FUT8: variants seen among roughly 807,000 people sequenced by gnomAD.
FUT8 encodes alpha-(1,6)-fucosyltransferase.
Under a neutral mutation model 71.3 loss-of-function variants are expected in FUT8, and 29 were observed. That is an observed-to-expected ratio of 0.41 (90% CI 0.30 to 0.55). FUT8 has a LOEUF of 0.55. Ranked by LOEUF, FUT8 falls within the 20% of genes least tolerant of loss-of-function variation. The probability of loss-of-function intolerance (pLI) is 0.34; values close to 1 mark genes in which losing one functional copy is unlikely to be tolerated. For synonymous variants in FUT8, 254 were observed against 239.3 expected, an observed-to-expected ratio of 1.06 and a Z score of -0.57; for missense variants, 544 against 702.1, an observed-to-expected ratio of 0.77 and a Z score of 2.55.
At chr14:65,387,243 C>A in the FUT8 span, among the ~76,000 whole-genome samples, 1 of 152,156 alleles carries the variant, frequency 6.6e-6, no homozygotes, top group Admixed American at 6.5e-5. Flanking sequence ...TGCATGTAAA[C>A]TTTGATAGGC....
rs1895566568 is a variant in FUT8, at chr14:65,724,213, G to A, written c.1149G>A (p.Met383Ile). Reference protein sequence around the residue: ...EAAFHPIEEYMVHVEEHFQLL... With the variant: ...EAAFHPIEEYIVHVEEHFQLL... ...CCTTCCATCCCATTGAAGAGTACAT[G>A]GTGCATGTTGAAGAACATTTTCAGC... Residue 383 changes from methionine to isoleucine, a missense_variant, in exon 9 of 11, where the codon ATG becomes ATA. Transcript: ENST00000673929. The A allele has an allele frequency of 4.3e-6, 7 of 1,613,504 alleles. No homozygotes were observed. The highest frequency in any genetic ancestry group is 1.3e-5 in the African/African-American group (1 of 74,990).
At chr14:65,482,638 A>G (rs1036138326) in intron 2 of FUT8, among the ~76,000 whole-genome samples, 1 of 152,158 alleles carries the variant, frequency 6.6e-6, no homozygotes, top group Non-Finnish European at 1.5e-5. Flanking sequence ...TAAGTCATGA[A>G]ATCGGGTCAC....
At chr14:65,530,803 C>T in intron 2 of FUT8, among the ~76,000 whole-genome samples, 1 of 150,954 alleles carries the variant, frequency 6.6e-6, no homozygotes, top group East Asian at 2.0e-4. Context: ...TACGTTCTCT[C>T]TCTCGCTCTT....
At position 65,655,475 on chromosome 14, in the gene FUT8, C is replaced by CAA. The variant is rs575608113; in HGVS notation, c.598-13750_598-13749dup. ...TGGGCGACAGAGCAAGACTCCGTCT[C>CAA]AAAAAAAAAAAAAAAAAAAGTACAG... On this transcript the variant is annotated intron_variant, in intron 6 of 10. Coordinates refer to ENST00000673929, the MANE Select transcript of FUT8 (RefSeq NM_001371533.1). 8.2e-3 allele frequency among the ~76,000 whole-genome samples: 405 copies of CAA among 49,634 alleles called. 2 individuals are homozygous for CAA. Among genetic ancestry groups the CAA allele is most frequent in the African/African-American group, 0.025 (381 of 14,968 alleles). The allele number at this position is 49,634 out of a possible 152,430, so 32.6% of individuals were successfully genotyped here. A position where few individuals can be genotyped will look rare whatever the true frequency, so the allele number is the denominator to read the frequency against.
the FUT8 span, among the ~76,000 whole-genome samples, chr14:65,385,106 T>C: frequency 4.6e-5 from 7 of 151,964 alleles, no homozygotes; most frequent in South Asian, 1.2e-3. Context: ...TTTATGTTGG[T>C]CGGGCTGGTC....
chr14:65,717,886 T>G (rs1421482168), intron 7 of FUT8, among the ~76,000 whole-genome samples: 2 of 152,242 alleles, frequency 1.3e-5, no homozygotes, highest in Non-Finnish European at 2.9e-5. Flanking sequence ...TAGCTACTCC[T>G]GCTCTTTTTT....
intron 5 of FUT8, 86 bp from the exon 6 acceptor site, chr14:65,629,406 G>C (rs1890059359): frequency 1.3e-6 from 1 of 766,916 alleles, no homozygotes; most frequent in African/African-American, 1.7e-5. Flanking sequence ...ATCTTTATGA[G>C]GAATCTGGCA....
Position 65,607,763 on chromosome 14 carries a change from T to C in FUT8, c.204-8215T>C, listed in dbSNP as rs1888659765. On this transcript the variant is annotated intron_variant, in intron 3 of 10. Transcript: ENST00000673929. The surrounding 1 kb of genome is among the most constrained non-coding windows in gnomAD (Gnocchi z 4.1). Reference sequence around the variant, plus strand: ...GTTTTATGAATATTTGTAAAACTCATATAAAAATGCTAGAACCTGGCCAGG... The same window carrying C: ...GTTTTATGAATATTTGTAAAACTCACATAAAAATGCTAGAACCTGGCCAGG... Among the ~76,000 whole-genome samples, 2 of 151,776 alleles carry C rather than the reference T, an allele frequency of 1.3e-5. No homozygotes were observed. The highest frequency in any genetic ancestry group is 4.8e-5 in the African/African-American group (2 of 41,372).
chr14:65,451,272 C>A (rs557275756), intron 1 of FUT8, among the ~76,000 whole-genome samples: 1 of 152,272 alleles, frequency 6.6e-6, no homozygotes, highest in Non-Finnish European at 1.5e-5. Context: ...GGCTCAACCT[C>A]CACTCACTCA....
rs1455425911 is a variant in FUT8 at position 65,743,276 on chromosome 14, A to G, written c.*866A>G. ...TTGTTTTTTTTCCTGTTTCTGATAT[A>G]GTAACTAATTCTTAACTCAGAGACA... is the stretch of plus-strand genomic sequence containing the variant. On this transcript the variant is annotated 3_prime_UTR_variant, in exon 11 of 11. Transcript: ENST00000673929. 5 of 151,868 alleles carry G rather than the reference A, an allele frequency of 3.3e-5. No homozygotes were observed. The highest frequency in any genetic ancestry group is 7.4e-5 in the Non-Finnish European group (5 of 67,902). The allele number at this position is 151,868 out of a possible 1,614,324, so 9.4% of individuals were successfully genotyped here. A position where few individuals can be genotyped will look rare whatever the true frequency, so the allele number is the denominator to read the frequency against.
chr14:65,658,526 A>G (rs1891805680), intron 6 of FUT8, among the ~76,000 whole-genome samples: 1 of 152,122 alleles, frequency 6.6e-6, no homozygotes, highest in Admixed American at 6.5e-5. Flanking sequence ...AAACAACCCA[A>G]ATGTCCTTCA....
intron 2 of FUT8, among the ~76,000 whole-genome samples, chr14:65,475,552 A>G (rs1401615510): frequency 6.6e-6 from 1 of 152,102 alleles, no homozygotes; most frequent in South Asian, 2.1e-4. Flanking sequence ...CAGCCTGGGC[A>G]ACATAGTGAG....
chr14:65,720,785 C>T (rs1048238650), intron 7 of FUT8, among the ~76,000 whole-genome samples: 5 of 152,122 alleles, frequency 3.3e-5, no homozygotes, highest in Non-Finnish European at 7.3e-5. Context: ...GAAACTCAGG[C>T]TCCAACCGCT....
chr14:65,442,854 T>C (rs1595382133), intron 1 of FUT8, among the ~76,000 whole-genome samples: 1 of 147,488 alleles, frequency 6.8e-6, no homozygotes, highest in South Asian at 2.1e-4. Context: ...GAATACAGTA[T>C]AGAGGGGCAT....
chr14:65,433,333 ATAGTGATGAT>A (rs2065504960), intron 1 of FUT8, among the ~76,000 whole-genome samples: 1 of 152,354 alleles, frequency 6.6e-6, no homozygotes, highest in African/African-American at 2.4e-5. Flanking sequence ...GATATGGTAC[ATAGTGATGAT>A]TAGCTTAGCA....
Position 65,413,581 on chromosome 14 carries a change from C to T in FUT8, c.-326+367C>T, listed in dbSNP as rs1181077922. Among the ~76,000 whole-genome samples the T allele has an allele frequency of 6.6e-6, 1 of 152,208 alleles. No homozygotes were observed. Among genetic ancestry groups the T allele is most frequent in the Non-Finnish European group, 1.5e-5 (1 of 68,022 alleles). ...TGGGAGGTGTCCGTCGTTTCCCCTC[C>T]ACACCTACCTTCCCTTCGTCAGCAG... On this transcript the variant is annotated intron_variant, in intron 1 of 10. Coordinates refer to ENST00000673929, the MANE Select transcript of FUT8 (RefSeq NM_001371533.1). The surrounding 1 kb of genome is among the most constrained non-coding windows in gnomAD (Gnocchi z 4.1).
At chr14:65,380,318 A>G in the FUT8 span, among the ~76,000 whole-genome samples, 2 of 151,860 alleles carry the variant, frequency 1.3e-5, no homozygotes, top group East Asian at 1.9e-4. Context: ...TGATTCAATT[A>G]CCTCCCCCCG....
At chr14:65,418,721 T>A (rs1400475886) in intron 1 of FUT8, among the ~76,000 whole-genome samples, 1 of 152,198 alleles carries the variant, frequency 6.6e-6, no homozygotes, top group Non-Finnish European at 1.5e-5. Context: ...TTACTTCTCC[T>A]TGTTTGTCAT....
intron 6 of FUT8, among the ~76,000 whole-genome samples, chr14:65,642,262 T>C (rs1415667643): frequency 6.6e-6 from 1 of 152,148 alleles, no homozygotes; most frequent in Non-Finnish European, 1.5e-5. Context: ...GAATCATTTT[T>C]TCAAAGATTA....
Sources: allele counts gnomAD v4.1 joint callset (sites outside exome capture counted in the v4.1 genomes callset), GRCh38; gene constraint gnomAD v4.1.1; non-coding constraint Gnocchi (gnomAD v3.1); transcripts MANE v1.5; gene names NCBI Gene and HGNC (gene_info 2026-07-23, HGNC 2026-07-21).